The following CHD1 variants were observed in gnomAD, a reference collection of about 807,000 sequenced individuals.
The protein encoded by CHD1 is chromodomain helicase DNA binding protein 1.
In CHD1, 36 loss-of-function variants were observed where a neutral mutation model predicts 224.2. That is an observed-to-expected ratio of 0.16 (90% confidence interval 0.12 to 0.21). The LOEUF (loss-of-function observed/expected upper bound fraction) is 0.21, where lower values mean the gene tolerates loss of function less well. Ranked by LOEUF, CHD1 falls within the 10% of genes least tolerant of loss-of-function variation. The probability of loss-of-function intolerance (pLI) is 1.00; values close to 1 mark genes in which losing one functional copy is unlikely to be tolerated. For missense variants in CHD1, 1,378 were observed against 1,994.8 expected (o/e 0.69, Z 5.89); for synonymous variants, 668 against 658.3 (o/e 1.01, Z -0.23).
intron 31 of CHD1, among the ~76,000 whole-genome samples, chr5:98,864,512 T>A (rs1416361212): frequency 1.9e-5 from 2 of 104,718 alleles, no homozygotes; most frequent in African/African-American, 4.4e-5. Flanking sequence ...ATCCTGATTC[T>A]ATACCAAAAA....
At chr5:98,874,034 T>C (rs1465802164) in intron 25 of CHD1, among the ~76,000 whole-genome samples, 4 of 152,222 alleles carry the variant, frequency 2.6e-5, no homozygotes, top group South Asian at 2.1e-4. Context: ...AGCTTTATAA[T>C]TGTAAACACA....
At chr5:98,890,190 G>C (rs1423406396) in intron 15 of CHD1, among the ~76,000 whole-genome samples, 1 of 152,014 alleles carries the variant, frequency 6.6e-6, no homozygotes, top group African/African-American at 2.4e-5. Flanking sequence ...AAAAAGAAAA[G>C]AAAAATTTCC....
chr5:98,868,238 G>A (rs1018244692), intron 31 of CHD1, among the ~76,000 whole-genome samples: 2 of 151,406 alleles, frequency 1.3e-5, no homozygotes, highest in Non-Finnish European at 2.9e-5. Context: ...GAGGCAGGAG[G>A]GGCACTTGAG....
chr5:98,871,468 A>G (rs1476189962), intron 28 of CHD1, among the ~76,000 whole-genome samples: 1 of 151,614 alleles, frequency 6.6e-6, no homozygotes, highest in Non-Finnish European at 1.5e-5. Flanking sequence ...TTAAAAATAA[A>G]TATAAAAGAT....
chr5:98,880,189 G>T (rs746226455), intron 22 of CHD1, among the ~76,000 whole-genome samples: 1 of 152,160 alleles, frequency 6.6e-6, no homozygotes, highest in Non-Finnish European at 1.5e-5. Flanking sequence ...GATTACATAA[G>T]ATAGCACATT....
chr5:98,917,816 A>G (rs527370843), intron 2 of CHD1, among the ~76,000 whole-genome samples: 3 of 152,312 alleles, frequency 2.0e-5, no homozygotes, highest in African/African-American at 7.2e-5. Context: ...TTTAACATTT[A>G]AAGTTGACTT....
intron 15 of CHD1, among the ~76,000 whole-genome samples, chr5:98,891,938 T>A (rs1432020025): frequency 2.0e-5 from 3 of 152,258 alleles, no homozygotes; most frequent in Non-Finnish European, 4.4e-5. Context: ...CAATTAAGTA[T>A]ATTCTTTCAA....
chr5:98,868,966 T>C, intron 30 of CHD1: 1 of 785,668 alleles, frequency 1.3e-6, no homozygotes, highest in Non-Finnish European at 1.6e-6. Flanking sequence ...AAAATGTAAA[T>C]ATGCTGATTG....
intron 22 of CHD1, among the ~76,000 whole-genome samples, chr5:98,880,373 A>T (rs1349764132): frequency 1.3e-5 from 2 of 152,192 alleles, no homozygotes; most frequent in Non-Finnish European, 2.9e-5. Context: ...CAGTCAATCA[A>T]CCACAAAGTA....
rs932180254 is a variant in CHD1, at chr5:98,898,605, T to A, written c.1186+59A>T. ...GATATGTAAGTGGCAAACTTATGACTTTTTTCAGATTATTTCAAGCATAAA... is the reference window on the plus strand; with the variant it reads ...GATATGTAAGTGGCAAACTTATGACATTTTTCAGATTATTTCAAGCATAAA... On this transcript the variant is annotated intron_variant, in intron 9 of 35. Transcript: ENST00000614616. 4.6e-6 allele frequency: 6 copies of A among 1,300,576 alleles called. No individual in the cohort carries two copies. In the East Asian group the frequency reaches 1.2e-4, roughly 25 times the overall value. 80.6% of individuals were successfully genotyped at this position (1,300,576 alleles called of 1,614,324 possible).
rs760391282 is a variant in CHD1 at position 98,896,271 on chromosome 5, T to C, written c.1665A>G (p.Gln555=). Residue 555 remains glutamine, a synonymous_variant, in exon 12 of 36, where the codon CAA becomes CAG. Transcript: ENST00000614616. ...WQREIQTWAS[Q]MNAVVYLGDI... is the part of the protein sequence containing the mutation. ...CACCTAAATAAACCACAGCATTCAT[T>C]TGAGAAGCCCAAGTCTGAATTTCCC... The C allele has an allele frequency of 6.2e-7, 1 of 1,614,164 alleles. No homozygotes were observed.
At chr5:98,875,921 T>A (rs921181925) in intron 24 of CHD1, among the ~76,000 whole-genome samples, 3 of 152,102 alleles carry the variant, frequency 2.0e-5, no homozygotes, top group African/African-American at 7.2e-5. Context: ...AATAAATATA[T>A]CCTGCCTGGC....
chr5:98,921,667 T>C (rs1000461968), intron 2 of CHD1, among the ~76,000 whole-genome samples: 1 of 152,090 alleles, frequency 6.6e-6, no homozygotes, highest in African/African-American at 2.4e-5. Context: ...ATATAACCAA[T>C]CAGTCATCAA....
intron 2 of CHD1, among the ~76,000 whole-genome samples, chr5:98,916,545 CAAAAAAAAAA>C (rs33988135): frequency 7.4e-5 from 3 of 40,420 alleles, no homozygotes; most frequent in Non-Finnish European, 1.5e-4. Context: ...AACTCCGTCT[CAAAAAAAAAA>C]AAAAAAAAAA....
intron 29 of CHD1, among the ~76,000 whole-genome samples, chr5:98,870,122 G>A (rs1218577362): frequency 6.6e-6 from 1 of 152,096 alleles, no homozygotes; most frequent in African/African-American, 2.4e-5. Flanking sequence ...TCAGAGAGAA[G>A]TAGAAACAAA....
At chr5:98,919,722 CGTTTAT>C (rs1251435171) in intron 2 of CHD1, among the ~76,000 whole-genome samples, 1 of 152,058 alleles carries the variant, frequency 6.6e-6, no homozygotes, top group Admixed American at 6.6e-5. Context: ...TATGAACTCA[CGTTTAT>C]GTATGAGATA....
Position 98,881,138 on chromosome 5 carries a change from C to T in CHD1, c.2998G>A (p.Glu1000Lys), listed in dbSNP as rs1397479032. 6.2e-7 allele frequency: 1 copy of T among 1,609,300 alleles called. No individual in the cohort carries two copies. The highest frequency in any genetic ancestry group is 1.3e-5 in the African/African-American group (1 of 74,816). Reference sequence around the variant, plus strand: ...GGACCTGGTTCATTTTCATGAGTTTCAGCTCTCTTCAAGATTTCATCTATA... The same window carrying T: ...GGACCTGGTTCATTTTCATGAGTTTTAGCTCTCTTCAAGATTTCATCTATA... The part of the protein sequence containing the change: ...MDIDEILKRA[E>K]THENEPGPLT... The change falls in exon 22 of 36, where the codon GAA becomes AAA. Residue 1000 changes from glutamate to lysine, a missense_variant. By Grantham distance (56) the Glu-to-Lys change is moderately conservative. Around this residue, in one of 16 missense-constraint regions of CHD1, gnomAD observed 286 missense variants for 445.1 expected, o/e 0.64. Coordinates refer to ENST00000614616, the MANE Select transcript of CHD1 (RefSeq NM_001270.4).
At chr5:98,906,290 T>C (rs577619100) in intron 2 of CHD1, among the ~76,000 whole-genome samples, 8 of 152,314 alleles carry the variant, frequency 5.3e-5, no homozygotes, top group Non-Finnish European at 7.4e-5. Flanking sequence ...TAAAGGCATA[T>C]GCTATGAAGA....
At position 98,883,780 on chromosome 5, in the gene CHD1, A is replaced by C. The variant is rs1750375038; in HGVS notation, c.2569-543T>G. On this transcript the variant is annotated intron_variant, in intron 18 of 35. Transcript: ENST00000614616. ...GGAAAACTACTCAGCCATAAAGAAG[A>C]ATGAAATAATGGCATTTGCAGCAAC... is the stretch of plus-strand genomic sequence containing the variant. The C allele has an allele frequency of 2.2e-5, 4 of 181,260 alleles. No individual in the cohort carries two copies. The Admixed American group carries it at 2.6e-4, about 12-fold the overall frequency. The allele number at this position is 181,260 out of a possible 1,614,324, so 11.2% of individuals were successfully genotyped here. A position where few individuals can be genotyped will look rare whatever the true frequency, so the allele number is the denominator to read the frequency against.
Sources: allele counts gnomAD v4.1 joint callset (sites outside exome capture counted in the v4.1 genomes callset), GRCh38; gene constraint gnomAD v4.1.1; regional missense constraint gnomAD v4.1.1; transcripts MANE v1.5; gene names NCBI Gene and HGNC (gene_info 2026-07-23, HGNC 2026-07-21).